The following PCDHGA3 variants were observed in gnomAD, a reference collection of about 807,000 sequenced individuals.
PCDHGA3 encodes protocadherin gamma subfamily A, 3, also known as protocadherin gamma-A3.
Under a neutral mutation model 58.5 loss-of-function variants are expected in PCDHGA3, and 40 were observed. That is an observed-to-expected ratio of 0.68 (90% CI 0.53 to 0.89). PCDHGA3 has a LOEUF of 0.89. Among genes scored for constraint, PCDHGA3 ranks in the 40% least tolerant of loss-of-function variants. PCDHGA3 has a pLI of 0.00. For synonymous variants in PCDHGA3, 530 were observed against 525.7 expected (o/e 1.01, Z -0.11); for missense variants, 1,223 against 1,195.9 (o/e 1.02, Z -0.33).
intron 1 of PCDHGA3, chr5:141,375,644 G>C: frequency 6.2e-7 from 1 of 1,614,180 alleles, no homozygotes; most frequent in Non-Finnish European, 8.5e-7. Flanking sequence ...GCGCTCCTTC[G>C]ACTATGAGCA....
At chr5:141,442,682 T>C (rs1591733469) in intron 1 of PCDHGA3, among the ~76,000 whole-genome samples, 1 of 152,218 alleles carries the variant, frequency 6.6e-6, no homozygotes, top group East Asian at 1.9e-4. Context: ...TGAGGGACAG[T>C]AGTCAGGCAG....
chr5:141,428,856 G>A (rs1195849417), intron 1 of PCDHGA3: 4 of 143,808 alleles, frequency 2.8e-5, no homozygotes, highest in Admixed American at 1.4e-4. Flanking sequence ...ATTTTTACGG[G>A]AGACTTTTTT....
chr5:141,400,867 C>A (rs1005203103), intron 1 of PCDHGA3, among the ~76,000 whole-genome samples: 37 of 152,162 alleles, frequency 2.4e-4, no homozygotes, highest in African/African-American at 8.9e-4. Context: ...TGTAGATAAA[C>A]CATTAAATTT....
chr5:141,345,565 C>G lies in PCDHGA3; in HGVS notation c.1532C>G (p.Thr511Ser), dbSNP rs964266181. ...TCCTTCGTCTCTATCAACTCCAACA[C>G]TGGCGTCCTATACGCGCTGAGATCC... ...LSSFVSINSNTGVLYALRSFD... is the reference protein window; with the variant it reads ...LSSFVSINSNSGVLYALRSFD... The change falls in exon 1 of 4, where the codon ACT becomes AGT. Residue 511 changes from threonine to serine, a missense_variant. By Grantham distance (58) the Thr-to-Ser change is moderately conservative (BLOSUM62 1). This residue lies in a region of PCDHGA3 where 791 missense variants were observed against 708.5 expected (regional missense o/e 1.12). Coordinates refer to ENST00000253812, the MANE Select transcript of PCDHGA3 (RefSeq NM_018916.4). 3.7e-6 allele frequency: 6 copies of G among 1,614,130 alleles called. No individual in the cohort carries two copies. In the African/African-American group the frequency reaches 4.0e-5, roughly 11 times the overall value.
chr5:141,414,822 C>G, intron 1 of PCDHGA3: 3 of 1,614,240 alleles, frequency 1.9e-6, no homozygotes, highest in Non-Finnish European at 2.5e-6. Flanking sequence ...TCAGCAGCAA[C>G]GTGTCGTTGA....
chr5:141,367,025 G>T, intron 1 of PCDHGA3: 2 of 394,068 alleles, frequency 5.1e-6, no homozygotes, highest in Non-Finnish European at 9.0e-6. Context: ...TTGTTATATT[G>T]GAACTGCAGT....
intron 1 of PCDHGA3, chr5:141,418,683 CAG>C: frequency 6.2e-7 from 1 of 1,614,048 alleles, no homozygotes; most frequent in African/African-American, 1.3e-5. Flanking sequence ...GGCATCAACT[CAG>C]AGATCACTTA....
rs752058135 is a variant in PCDHGA3, at chr5:141,344,092, T to C, written c.59T>C (p.Leu20Pro). 14 of 1,613,428 alleles carry C rather than the reference T, an allele frequency of 8.7e-6. No individual in the cohort carries two copies. The African/African-American group carries it at 1.5e-4, about 17-fold the overall frequency. ...GRGLALLCAL[L>P]GTLCETGSGQ... ...GGACTGGCCCTGCTGTGCGCGCTCC[T>C]GGGGACGCTGTGCGAAACAGGATCC... The change falls in exon 1 of 4, where the codon CTG (leucine) becomes CCG (proline). Residue 20 changes from leucine to proline, a missense_variant. Leu to Pro is a moderately conservative substitution (Grantham distance 98). Transcript: ENST00000253812.
At chr5:141,356,818 C>T in intron 1 of PCDHGA3, 1 of 1,613,982 alleles carries the variant, frequency 6.2e-7, no homozygotes, top group Non-Finnish European at 8.5e-7. Context: ...CAGTGGAGAC[C>T]CTCCACTCAG....
intron 1 of PCDHGA3, chr5:141,362,697 A>T: frequency 1.9e-6 from 2 of 1,057,626 alleles, no homozygotes; most frequent in South Asian, 3.5e-5. Flanking sequence ...TATCTAACTG[A>T]ATTTTAAGTG....
rs2099693161 is a variant in PCDHGA3, at chr5:141,489,871, G to T, written c.2425-4936G>T. ...TGAAGCCCAGGCAAGACATCAGCTG[G>T]TGCTTACTGCTGTGGATGGGGGGAC... On this transcript the variant is annotated intron_variant, in intron 1 of 3. Coordinates refer to ENST00000253812, the MANE Select transcript of PCDHGA3 (RefSeq NM_018916.4). This position sits in a 1 kb window ranked among gnomAD's most constrained non-coding sequence, Gnocchi z 4.5. The T allele has an allele frequency of 6.2e-7, 1 of 1,614,088 alleles. No homozygotes were observed. Among genetic ancestry groups the T allele is most frequent in the Non-Finnish European group, 8.5e-7 (1 of 1,180,022 alleles).
intron 1 of PCDHGA3, chr5:141,404,934 C>A: frequency 5.6e-6 from 9 of 1,613,986 alleles, no homozygotes; most frequent in Non-Finnish European, 6.8e-6. Flanking sequence ...GTCACGCTCA[C>A]AGTAGCCATA....
intron 1 of PCDHGA3, chr5:141,418,292 T>A: frequency 6.2e-7 from 1 of 1,613,988 alleles, no homozygotes. Context: ...AATCAGTGAA[T>A]CCGTCAGCCT....
At chr5:141,360,664 T>C (rs1192992193) in intron 1 of PCDHGA3, 1 of 1,613,936 alleles carries the variant, frequency 6.2e-7, no homozygotes. Flanking sequence ...TGACAACGAG[T>C]ACTTTGATCT....
rs900884760 is a variant in PCDHGA3, at chr5:141,414,031, C to T, written c.2424+67574C>T. ...CAATGGAGAAGTGACATATTCATTC[C>T]GAAAATTACCTGACACGCAATTGTT... On this transcript the variant is annotated intron_variant, in intron 1 of 3. Coordinates refer to ENST00000253812, the MANE Select transcript of PCDHGA3 (RefSeq NM_018916.4). 4 of 1,611,858 alleles carry T rather than the reference C, an allele frequency of 2.5e-6. No homozygotes were observed. The Admixed American group carries it at 6.7e-5, about 27-fold the overall frequency.
Position 141,476,114 on chromosome 5 carries a change from G to A in PCDHGA3, c.2425-18693G>A. Reference sequence around the variant, plus strand: ...CCGCTGAGAGGAACTGCTTTTGAGTGAGATGGTCCCAGAGGCCTGGAGGAG... The same window carrying A: ...CCGCTGAGAGGAACTGCTTTTGAGTAAGATGGTCCCAGAGGCCTGGAGGAG... On this transcript the variant is annotated intron_variant, in intron 1 of 3. Coordinates refer to ENST00000253812, the MANE Select transcript of PCDHGA3 (RefSeq NM_018916.4). The surrounding 1 kb of genome is among the most constrained non-coding windows in gnomAD (Gnocchi z 7.6). 6.3e-7 allele frequency: 1 copy of A among 1,592,296 alleles called. No individual in the cohort carries two copies. The highest frequency in any genetic ancestry group is 8.5e-7 in the Non-Finnish European group (1 of 1,171,536).
chr5:141,486,425 A>C lies in PCDHGA3; in HGVS notation c.2425-8382A>C. The C allele has an allele frequency of 6.2e-7, 1 of 1,614,228 alleles. No homozygotes were observed. On this transcript the variant is annotated intron_variant, in intron 1 of 3. Transcript: ENST00000253812. This position sits in a 1 kb window ranked among gnomAD's most constrained non-coding sequence, Gnocchi z 5.0. Reference sequence around the variant, plus strand: ...TGCTGGACCCTTGGATCGAGAGGCCAAATCTAGCTATGACATCATGGTCAC... The same window carrying C: ...TGCTGGACCCTTGGATCGAGAGGCCCAATCTAGCTATGACATCATGGTCAC...
intron 1 of PCDHGA3, chr5:141,384,126 C>T (rs749225079): frequency 1.9e-6 from 3 of 1,610,938 alleles, no homozygotes; most frequent in Non-Finnish European, 2.5e-6. Context: ...CAACCAAAAA[C>T]TTGGACCGGG....
At chr5:141,360,588 A>G in intron 1 of PCDHGA3, 1 of 1,614,006 alleles carries the variant, frequency 6.2e-7, no homozygotes, top group Non-Finnish European at 8.5e-7. Flanking sequence ...CAGGTACAAC[A>G]TTTCCACTTG....
Sources: gnomAD v4.1 joint callset for allele counts (sites outside exome capture counted in the v4.1 genomes callset) on GRCh38, gnomAD v4.1.1 for gene constraint, gnomAD v4.1.1 regional missense constraint, Gnocchi (gnomAD v3.1) non-coding constraint, MANE v1.5 for transcripts, NCBI Gene and HGNC (gene_info 2026-07-23, HGNC 2026-07-21) for gene names.